The following SMIM36 variants were observed in gnomAD, a reference collection of about 807,000 sequenced individuals.
SMIM36 encodes the protein small integral membrane protein 36.
the SMIM36 span, among the ~76,000 whole-genome samples, chr17:55,528,702 A>G: frequency 6.6e-6 from 1 of 151,632 alleles, no homozygotes; most frequent in Non-Finnish European, 1.5e-5. Flanking sequence ...GATGCCTCCC[A>G]CCACACCTGG....
At chr17:55,459,358 TTTG>T (rs1214620185) in intron 4 of SMIM36, among the ~76,000 whole-genome samples, 1 of 152,224 alleles carries the variant, frequency 6.6e-6, no homozygotes, top group Admixed American at 6.5e-5. Flanking sequence ...CTAGATTTTT[TTTG>T]TTGTTGTTCA....
intron 3 of SMIM36, among the ~76,000 whole-genome samples, chr17:55,478,270 G>A (rs12943574): frequency 0.35 from 52,976 of 149,808 alleles, 9,681 homozygotes; most frequent in Middle Eastern, 0.43. Flanking sequence ...GTCTCACTCT[G>A]TTGCCCAGGC....
intron 1 of SMIM36, among the ~76,000 whole-genome samples, chr17:55,500,063 A>C (rs565650746): frequency 6.6e-6 from 1 of 151,646 alleles, no homozygotes; most frequent in African/African-American, 2.4e-5. Context: ...CTCTGAGGCC[A>C]AATATTCTTG....
At chr17:55,529,332 A>T in the SMIM36 span, among the ~76,000 whole-genome samples, 12 of 152,298 alleles carry the variant, frequency 7.9e-5, no homozygotes, top group African/African-American at 2.6e-4. Flanking sequence ...ATTTCATACT[A>T]TATATCCAGG....
chr17:55,484,560 T>C (rs1909573728), intron 1 of SMIM36, among the ~76,000 whole-genome samples: 1 of 152,240 alleles, frequency 6.6e-6, no homozygotes, highest in Admixed American at 6.5e-5. Flanking sequence ...AGTACAAGGA[T>C]ATTTGCAGCA....
the SMIM36 span, among the ~76,000 whole-genome samples, chr17:55,521,332 A>C: frequency 0.04 from 6,050 of 152,284 alleles, 159 homozygotes; most frequent in Non-Finnish European, 0.061. Flanking sequence ...TACAAAAAAT[A>C]ATTGCATCAT....
chr17:55,471,056 C>A (rs189776071), intron 3 of SMIM36, among the ~76,000 whole-genome samples: 2 of 152,088 alleles, frequency 1.3e-5, no homozygotes, highest in African/African-American at 4.8e-5. Flanking sequence ...TTCAATACCC[C>A]CTCCCACAAC....
At chr17:55,507,854 C>A (rs1026677419) in intron 1 of SMIM36, among the ~76,000 whole-genome samples, 1 of 152,164 alleles carries the variant, frequency 6.6e-6, no homozygotes, top group Non-Finnish European at 1.5e-5. Context: ...TTAAGCCAGG[C>A]GTCGTGCTGA....
rs1183900063 is a variant in SMIM36, at chr17:55,509,280, A to G, written c.*174+1599T>C. On this transcript the variant is annotated intron_variant, in intron 1 of 4. Transcript: ENST00000636752. ...ACATGTTGGACACCATCAGACCTTC[A>G]CAACCAATGGACTCTAATTATTTTG... is the stretch of plus-strand genomic sequence containing the variant. Among the ~76,000 whole-genome samples, 9 of 152,316 alleles carry G rather than the reference A, an allele frequency of 5.9e-5. No individual in the cohort carries two copies. The East Asian group carries it at 1.7e-3, about 29-fold the overall frequency.
At chr17:55,457,529 T>G (rs1157855130) in intron 4 of SMIM36, among the ~76,000 whole-genome samples, 1 of 151,954 alleles carries the variant, frequency 6.6e-6, no homozygotes, top group Non-Finnish European at 1.5e-5. Context: ...TTTTTTATTT[T>G]TATTTTTTGT....
At position 55,500,616 on chromosome 17, in the gene SMIM36, T is replaced by C. The variant is rs184830303; in HGVS notation, c.*174+10263A>G. 3.4e-3 allele frequency among the ~76,000 whole-genome samples: 520 copies of C among 150,940 alleles called. 3 individuals are homozygous for C. Among genetic ancestry groups the C allele is most frequent in the Middle Eastern group, 6.8e-3 (2 of 292 alleles). On this transcript the variant is annotated intron_variant, in intron 1 of 4. Transcript: ENST00000636752. Reference sequence around the variant, plus strand: ...ACTCTCTTTAGAGTATTTTTAGTTTTTTCCGAGAGAGAAATATAAAATGTT... The same window carrying C: ...ACTCTCTTTAGAGTATTTTTAGTTTCTTCCGAGAGAGAAATATAAAATGTT...
chr17:55,486,950 C>T (rs775065971), intron 1 of SMIM36, among the ~76,000 whole-genome samples: 43 of 152,230 alleles, frequency 2.8e-4, no homozygotes, highest in Middle Eastern at 6.8e-3. Flanking sequence ...AATTATTTGA[C>T]AAATGTGTGT....
intron 4 of SMIM36, among the ~76,000 whole-genome samples, chr17:55,463,680 G>A (rs183191211): frequency 6.6e-6 from 1 of 152,180 alleles, no homozygotes; most frequent in Non-Finnish European, 1.5e-5. Context: ...ATAGGAGAAT[G>A]TTGATTAGTA....
intron 3 of SMIM36, among the ~76,000 whole-genome samples, chr17:55,469,850 T>C (rs1598449500): frequency 2.0e-5 from 3 of 152,100 alleles, no homozygotes; most frequent in Non-Finnish European, 2.9e-5. Context: ...TGGTGGCACA[T>C]GCCTGTAGTC....
At chr17:55,475,055 C>T (rs913028994) in intron 3 of SMIM36, among the ~76,000 whole-genome samples, 27 of 151,998 alleles carry the variant, frequency 1.8e-4, no homozygotes, top group African/African-American at 6.3e-4. Flanking sequence ...TTGGACCCCC[C>T]ACAGTGTTTA....
At chr17:55,492,242 CTTTTT>C (rs770501215) in intron 1 of SMIM36, among the ~76,000 whole-genome samples, 4 of 111,326 alleles carry the variant, frequency 3.6e-5, no homozygotes, top group South Asian at 2.8e-4. Flanking sequence ...TTCTTTCTTT[CTTTTT>C]TTTTTTTTTT....
the SMIM36 span, among the ~76,000 whole-genome samples, chr17:55,519,632 TTG>T: frequency 6.6e-6 from 1 of 151,966 alleles, no homozygotes; most frequent in Non-Finnish European, 1.5e-5. Context: ...ATTGCTGAAA[TTG>T]TCTAGAAGGA....
exon 1 of SMIM36, chr17:55,511,229 C>T (rs1291985551): frequency 3.0e-5 from 12 of 398,476 alleles, no homozygotes; most frequent in Admixed American, 4.4e-5. Context: ...CCTCGGCAGT[C>T]GTATAGCACG....
intron 1 of SMIM36, among the ~76,000 whole-genome samples, chr17:55,487,218 G>A (rs1359874847): frequency 6.6e-6 from 1 of 152,026 alleles, no homozygotes; most frequent in Non-Finnish European, 1.5e-5. Flanking sequence ...GGGGGGTAGG[G>A]GGAGGGATAG....
Sources: allele counts gnomAD v4.1 joint callset (sites outside exome capture counted in the v4.1 genomes callset), GRCh38; gene constraint gnomAD v4.1.1; transcripts MANE v1.5; gene names NCBI Gene and HGNC (gene_info 2026-07-23, HGNC 2026-07-21).